HNRNPLL: variants seen among roughly 807,000 people sequenced by gnomAD.
The protein encoded by HNRNPLL is heterogeneous nuclear ribonucleoprotein L like.
HNRNPLL carries 25 observed loss-of-function variants against 67.1 expected under a neutral mutation model. The observed-to-expected ratio is 0.37, with a 90% CI of 0.27 to 0.52. HNRNPLL has a LOEUF of 0.52. HNRNPLL is among the 20% of genes least tolerant of loss of function. The pLI is 0.90. For missense variants in HNRNPLL, 542 were observed against 673.9 expected (o/e 0.80, Z 2.17); for synonymous variants, 267 against 241.7 (o/e 1.10, Z -0.97).
rs1348958366 is a variant in HNRNPLL at position 38,562,245 on chromosome 2, G to A, written c.*1937C>T. On this transcript the variant is annotated 3_prime_UTR_variant, in exon 13 of 13. Coordinates refer to ENST00000449105, the MANE Select transcript of HNRNPLL (RefSeq NM_138394.4). ...ACATTAGTGACAGCAGCAGTATAGG[G>A]CTTACACACCAGTGTATAAATCTAT... 6.6e-6 allele frequency: 1 copy of A among 152,086 alleles called. No homozygotes were observed. The highest frequency in any genetic ancestry group is 2.4e-5 in the African/African-American group (1 of 41,406). The allele number at this position is 152,086 out of a possible 1,614,324, so 9.4% of individuals were successfully genotyped here.
At chr2:38,571,911 G>A (rs980336749) in intron 8 of HNRNPLL, among the ~76,000 whole-genome samples, 2 of 152,064 alleles carry the variant, frequency 1.3e-5, no homozygotes, top group African/African-American at 4.8e-5. Context: ...AATCATATGA[G>A]ACAATTAGTT....
Position 38,602,512 on chromosome 2 carries a change from C to T in HNRNPLL, c.115G>A (p.Gly39Ser). 1 of 1,550,844 alleles carries T rather than the reference C, an allele frequency of 6.4e-7. No individual in the cohort carries two copies. The highest frequency in any genetic ancestry group is 8.7e-7 in the Non-Finnish European group (1 of 1,148,762). The stretch of plus-strand genomic sequence containing the variant: ...GGCGTCGCTTCCCGGCGGTTCTCGC[C>T]TTCCTCGGCCGAGTAGTCGATCTCC... ...EGEIDYSAEE[G>S]ENRREATPRG... Residue 39 changes from glycine (G) to serine (S), a missense_variant, in exon 1 of 13, where the codon GGC (glycine) becomes AGC (serine). By Grantham distance (56) the Gly-to-Ser change is moderately conservative (BLOSUM62 0). This residue lies in a region of HNRNPLL where 127 missense variants were observed against 98.7 expected (regional missense o/e 1.29). Coordinates refer to ENST00000449105, the MANE Select transcript of HNRNPLL (RefSeq NM_138394.4).
intron 1 of HNRNPLL, among the ~76,000 whole-genome samples, chr2:38,592,571 C>T (rs1362865627): frequency 2.0e-5 from 3 of 152,270 alleles, no homozygotes; most frequent in South Asian, 4.1e-4. Flanking sequence ...TGGGCATCTA[C>T]GGAATATTGT....
chr2:38,599,096 A>G (rs906037384), intron 1 of HNRNPLL, among the ~76,000 whole-genome samples: 1 of 152,254 alleles, frequency 6.6e-6, no homozygotes, highest in African/African-American at 2.4e-5. Flanking sequence ...TTGTGCAAGT[A>G]TAACAGAATA....
At position 38,563,450 on chromosome 2, in the gene HNRNPLL, A is replaced by G. The variant is rs1665735401; in HGVS notation, c.*732T>C. The stretch of plus-strand genomic sequence containing the variant: ...AATTATAACCTCTATTAAAATCTCA[A>G]TGCCAAATACTAGCTGTATTTAAGT... On this transcript the variant is annotated 3_prime_UTR_variant, in exon 13 of 13. Transcript: ENST00000449105. The G allele has an allele frequency of 6.6e-6, 1 of 152,106 alleles. No individual in the cohort carries two copies. Among genetic ancestry groups the G allele is most frequent in the African/African-American group, 2.4e-5 (1 of 41,434 alleles). 9.4% of individuals were successfully genotyped at this position (152,106 alleles called of 1,614,324 possible). A position where few individuals can be genotyped will look rare whatever the true frequency, so the allele number is the denominator to read the frequency against.
intron 7 of HNRNPLL, among the ~76,000 whole-genome samples, chr2:38,575,183 TATTAA>T (rs1320652771): frequency 6.6e-6 from 1 of 151,838 alleles, no homozygotes; most frequent in Non-Finnish European, 1.5e-5. Flanking sequence ...GAGCCATCAT[TATTAA>T]ATTATCTTAT....
chr2:38,592,315 G>C (rs1366346121), intron 1 of HNRNPLL, among the ~76,000 whole-genome samples: 1 of 152,104 alleles, frequency 6.6e-6, no homozygotes, highest in Non-Finnish European at 1.5e-5. Flanking sequence ...TAGTACAAAT[G>C]AACAAAAAGT....
At chr2:38,593,448 A>G (rs1407632730) in intron 1 of HNRNPLL, among the ~76,000 whole-genome samples, 1 of 152,250 alleles carries the variant, frequency 6.6e-6, no homozygotes, top group East Asian at 1.9e-4. Flanking sequence ...GATACAATTA[A>G]GAGAATCATT....
Position 38,602,469 on chromosome 2 carries a change from C to T in HNRNPLL, c.158G>A (p.Gly53Asp), listed in dbSNP as rs1205556912. 2 of 1,540,300 alleles carry T rather than the reference C, an allele frequency of 1.3e-6. No homozygotes were observed. Among genetic ancestry groups the T allele is most frequent in the Non-Finnish European group, 1.7e-6 (2 of 1,147,280 alleles). Residue 53 changes from glycine to aspartate, a missense_variant, in exon 1 of 13, where the codon GGC becomes GAC. Transcript: ENST00000449105. ...REATPRGGGD[G>D]GGGGRSFSQP... ...AGAGAAGCTCCGGCCGCCGCCGCCG[C>T]CATCGCCCCCGCCCCGGGGCGTCGC...
intron 1 of HNRNPLL, among the ~76,000 whole-genome samples, chr2:38,595,096 T>C (rs1272001896): frequency 6.6e-6 from 1 of 150,856 alleles, no homozygotes; most frequent in Non-Finnish European, 1.5e-5. Flanking sequence ...CTGGGCAACA[T>C]GGCAAAACCC....
intron 6 of HNRNPLL, 90 bp downstream of exon 6, chr2:38,581,819 GAATT>G: frequency 1.2e-6 from 1 of 818,966 alleles, no homozygotes; most frequent in Non-Finnish European, 2.1e-6. Flanking sequence ...GTTTTCATTT[GAATT>G]AACTAGCTCA....
chr2:38,599,916 T>A (rs1306435369), intron 1 of HNRNPLL: 1 of 471,282 alleles, frequency 2.1e-6, no homozygotes, highest in East Asian at 7.0e-5. Flanking sequence ...ACTTTAACAG[T>A]CTGACCACAA....
At chr2:38,579,028 G>A (rs1666415865) in intron 6 of HNRNPLL, among the ~76,000 whole-genome samples, 1 of 152,020 alleles carries the variant, frequency 6.6e-6, no homozygotes, top group African/African-American at 2.4e-5. Context: ...ATGTTCCTCT[G>A]CTTAAGCATA....
At chr2:38,597,349 A>G (rs1319768229) in intron 1 of HNRNPLL, among the ~76,000 whole-genome samples, 2 of 152,194 alleles carry the variant, frequency 1.3e-5, no homozygotes, top group Non-Finnish European at 2.9e-5. Flanking sequence ...CATTCTGGTA[A>G]GCTTTCTGGA....
intron 1 of HNRNPLL, among the ~76,000 whole-genome samples, chr2:38,597,848 C>T (rs1015644991): frequency 2.6e-5 from 4 of 152,120 alleles, no homozygotes; most frequent in East Asian, 1.9e-4. Flanking sequence ...CCACCACACC[C>T]GGCTAATTTT....
At chr2:38,589,439 TAGC>T (rs1666875341) in intron 2 of HNRNPLL, among the ~76,000 whole-genome samples, 2 of 152,220 alleles carry the variant, frequency 1.3e-5, no homozygotes, top group Admixed American at 1.3e-4. Flanking sequence ...TCAGCCTTAA[TAGC>T]AGCCACCTCT....
At chr2:38,592,287 T>C (rs1464526375) in intron 1 of HNRNPLL, among the ~76,000 whole-genome samples, 1 of 152,168 alleles carries the variant, frequency 6.6e-6, no homozygotes, top group Non-Finnish European at 1.5e-5. Context: ...TTAACCTCCA[T>C]AAAATCAAAA....
At chr2:38,597,611 C>T (rs1667249958) in intron 1 of HNRNPLL, among the ~76,000 whole-genome samples, 1 of 152,120 alleles carries the variant, frequency 6.6e-6, no homozygotes, top group African/African-American at 2.4e-5. Context: ...ACTTTCCTAT[C>T]CAAAGTTTTT....
intron 1 of HNRNPLL, among the ~76,000 whole-genome samples, chr2:38,594,171 T>C (rs1237004525): frequency 2.0e-5 from 3 of 151,900 alleles, no homozygotes; most frequent in African/African-American, 2.4e-5. Context: ...CAAGACTCCA[T>C]CTCAAAAAAA....
Sources: allele counts gnomAD v4.1 joint callset (sites outside exome capture counted in the v4.1 genomes callset), GRCh38; gene constraint gnomAD v4.1.1; regional missense constraint gnomAD v4.1.1; transcripts MANE v1.5; gene names NCBI Gene and HGNC (gene_info 2026-07-23, HGNC 2026-07-21).